NUDT6: variants seen among roughly 807,000 people sequenced by gnomAD.
NUDT6 encodes the protein nudix hydrolase 6, also known as FAD diphosphatase NUDT6.
In NUDT6, 24 loss-of-function variants were observed where a neutral mutation model predicts 36.8. The observed-to-expected ratio is 0.65, with a 90% CI of 0.47 to 0.92. The LOEUF (loss-of-function observed/expected upper bound fraction) is 0.92, where lower values mean the gene tolerates loss of function less well. Among genes scored for constraint, NUDT6 ranks in the 40% least tolerant of loss-of-function variants. NUDT6 has a pLI of 0.00. For synonymous variants in NUDT6, 163 were observed against 157.0 expected (o/e 1.04, Z -0.29); for missense variants, 388 against 392.8 (o/e 0.99, Z 0.10).
Position 122,897,694 on chromosome 4 carries a change from A to G in NUDT6, c.499-16T>C. On this transcript the variant is annotated splice_polypyrimidine_tract_variant and intron_variant, in intron 3 of 4. Transcript: ENST00000304430. ...TATTTTTCAACTGCAGTATAAAGTC[A>G]GAAAATAAAGTTAACATAACTTTCA... 6.4e-7 allele frequency: 1 copy of G among 1,572,012 alleles called. No homozygotes were observed. The highest frequency in any genetic ancestry group is 8.8e-7 in the Non-Finnish European group (1 of 1,141,748).
Position 122,901,581 on chromosome 4 carries a change from T to C in NUDT6, c.499-3903A>G, listed in dbSNP as rs374498398. ...TAGCCCAAGAAATAATCATTTTGGC[T>C]ACTAAGAAAGGGTAAATTTTCTGAT... On this transcript the variant is annotated intron_variant, in intron 3 of 4. Transcript: ENST00000304430. Among the ~76,000 whole-genome samples the C allele has an allele frequency of 2.6e-4, 40 of 152,320 alleles. No individual in the cohort carries two copies. In the South Asian group the frequency reaches 6.6e-3, roughly 25 times the overall value.
At chr4:122,903,410 A>G (rs1727562439) in intron 3 of NUDT6, among the ~76,000 whole-genome samples, 1 of 152,200 alleles carries the variant, frequency 6.6e-6, no homozygotes, top group Non-Finnish European at 1.5e-5. Flanking sequence ...AGGAAGCTCA[A>G]TGTGCTAGTT....
upstream of NUDT6, chr4:122,922,604 A>C (rs753785256): frequency 5.2e-6 from 8 of 1,553,032 alleles, no homozygotes; most frequent in Non-Finnish European, 7.0e-6. Flanking sequence ...CGTTGCCCAA[A>C]TGACCCCTCC....
chr4:122,912,648 A>T, intron 2 of NUDT6, 25 bp from the exon 3 acceptor site: 1 of 1,372,130 alleles, frequency 7.3e-7, no homozygotes, highest in East Asian at 2.3e-5. Context: ...AGAAAAGATA[A>T]TTGAGAAATA....
At chr4:122,916,849 A>G (rs1727854763) in intron 2 of NUDT6, among the ~76,000 whole-genome samples, 1 of 152,178 alleles carries the variant, frequency 6.6e-6, no homozygotes, top group Non-Finnish European at 1.5e-5. Context: ...AATAAGGGTT[A>G]TTTGAATCCA....
chr4:122,901,001 C>A (rs1218091238), intron 3 of NUDT6, among the ~76,000 whole-genome samples: 2 of 152,266 alleles, frequency 1.3e-5, no homozygotes, highest in South Asian at 2.1e-4. Context: ...TCTTTGTTCT[C>A]CCTTCCTATA....
At chr4:122,903,384 G>T (rs547815278) in intron 3 of NUDT6, among the ~76,000 whole-genome samples, 2 of 152,256 alleles carry the variant, frequency 1.3e-5, no homozygotes, top group African/African-American at 4.8e-5. Flanking sequence ...TGGCAGGTTT[G>T]AAAATCAGCA....
At chr4:122,901,571 T>C (rs1727524783) in intron 3 of NUDT6, among the ~76,000 whole-genome samples, 1 of 152,172 alleles carries the variant, frequency 6.6e-6, no homozygotes, top group East Asian at 1.9e-4. Context: ...CAAGAAATAA[T>C]CATTTTGGCT....
rs576329763 is a variant in NUDT6, at chr4:122,916,968, G to A, written c.442+533C>T. Among the ~76,000 whole-genome samples, 4 of 152,260 alleles carry A rather than the reference G, an allele frequency of 2.6e-5. No individual in the cohort carries two copies. The South Asian group carries it at 6.2e-4, about 24-fold the overall frequency. On this transcript the variant is annotated intron_variant, in intron 2 of 4. Coordinates refer to ENST00000304430, the MANE Select transcript of NUDT6 (RefSeq NM_007083.5). Reference sequence around the variant, plus strand: ...TACACTGGATATGGGGAAGATTCACGGCCTGGTGGGACAGAGCAGGATGGT... The same window carrying A: ...TACACTGGATATGGGGAAGATTCACAGCCTGGTGGGACAGAGCAGGATGGT...
intron 4 of NUDT6, 85 bp from the exon 5 acceptor site, chr4:122,893,310 T>TATG (rs1727247715): frequency 7.6e-7 from 1 of 1,316,218 alleles, no homozygotes; most frequent in African/African-American, 1.5e-5. Flanking sequence ...AAAGTAGCAT[T>TATG]ATGTAAAGGC....
At chr4:122,904,464 ATTT>A (rs34200937) in intron 3 of NUDT6, among the ~76,000 whole-genome samples, 1 of 146,286 alleles carries the variant, frequency 6.8e-6, no homozygotes, top group Admixed American at 6.8e-5. Context: ...ACTTTCTATA[ATTT>A]TTTTTTTTTT....
chr4:122,916,766 C>T (rs1046762172), intron 2 of NUDT6, among the ~76,000 whole-genome samples: 1 of 152,140 alleles, frequency 6.6e-6, no homozygotes, highest in Non-Finnish European at 1.5e-5. Context: ...TCTGTGATTT[C>T]AGTTATACAA....
In NUDT6 at chr4:122,912,351, G is replaced by T. The variant is rs987125077; in HGVS notation, c.498+217C>A. On this transcript the variant is annotated intron_variant, in intron 3 of 4. Transcript: ENST00000304430. ...TTTATAATTTTCCTTTAGCCATAAA[G>T]TAATAGATAGTAACACTGAGTGTTA... is the stretch of plus-strand genomic sequence containing the variant. 3.9e-5 allele frequency among the ~76,000 whole-genome samples: 6 copies of T among 152,120 alleles called. No individual in the cohort carries two copies. The East Asian group carries it at 7.7e-4, about 20-fold the overall frequency.
intron 3 of NUDT6, among the ~76,000 whole-genome samples, chr4:122,909,884 C>A (rs1254798599): frequency 6.6e-6 from 1 of 152,206 alleles, no homozygotes; most frequent in Non-Finnish European, 1.5e-5. Flanking sequence ...AAGAATGATG[C>A]AAACAGTGCC....
In NUDT6 at chr4:122,915,831, T is replaced by A. The variant is rs116704396; in HGVS notation, c.442+1670A>T. Among the ~76,000 whole-genome samples the A allele has an allele frequency of 1.7e-3, 261 of 152,252 alleles. 2 individuals are homozygous for A. The highest frequency in any genetic ancestry group is 1.8e-3 in the Non-Finnish European group (125 of 68,024). ...AATTATTGAGTAGAATCTTTTGAAA[T>A]AGAGCTGAACGGAGAGTTTCTGAAT... is the stretch of plus-strand genomic sequence containing the variant. On this transcript the variant is annotated intron_variant, in intron 2 of 4. Coordinates refer to ENST00000304430, the MANE Select transcript of NUDT6 (RefSeq NM_007083.5).
chr4:122,902,718 T>TA (rs1218575198), intron 3 of NUDT6, among the ~76,000 whole-genome samples: 2 of 152,198 alleles, frequency 1.3e-5, no homozygotes, highest in African/African-American at 2.4e-5. Flanking sequence ...ACACCCAGTT[T>TA]ATGGGTTTAA....
intron 1 of NUDT6, chr4:122,921,605 A>C (rs567019847): frequency 1.7e-4 from 22 of 126,566 alleles, no homozygotes; most frequent in Admixed American, 1.3e-3. Context: ...CAAAAAAAAA[A>C]AAAAAAAAAA....
chr4:122,893,096 C>T lies in NUDT6; in HGVS notation c.683G>A (p.Arg228His), dbSNP rs142756927. 1.1e-4 allele frequency: 185 copies of T among 1,614,084 alleles called. No individual in the cohort carries two copies. The highest frequency in any genetic ancestry group is 1.4e-4 in the Non-Finnish European group (168 of 1,180,016). ...TATGGTGAATGAATATGGCTTTAGG[C>T]GGCAGATGATATACATATCTGACTT... ...FGKSDMYIIC[R>H]LKPYSFTINF... Residue 228 changes from arginine (R) to histidine (H), a missense_variant, in exon 5 of 5, where the codon CGC (arginine) becomes CAC (histidine). Physicochemically the swap from Arg to His is conservative, Grantham distance 29 (BLOSUM62 0). Transcript: ENST00000304430.
At chr4:122,915,491 A>AAAAC (rs1727818349) in intron 2 of NUDT6, among the ~76,000 whole-genome samples, 2 of 137,578 alleles carry the variant, frequency 1.5e-5, no homozygotes, top group South Asian at 2.4e-4. Flanking sequence ...AAAAAAAAAA[A>AAAAC]AAAAAAACAA....
Sources: gnomAD v4.1 joint callset for allele counts (sites outside exome capture counted in the v4.1 genomes callset) on GRCh38, gnomAD v4.1.1 for gene constraint, MANE v1.5 for transcripts, NCBI Gene and HGNC (gene_info 2026-07-23, HGNC 2026-07-21) for gene names.